The following ARHGAP39 variants were observed in gnomAD, a reference collection of about 807,000 sequenced individuals.
ARHGAP39 encodes Rho GTPase activating protein 39, also known as rho GTPase-activating protein 39.
A neutral mutation model predicts 106.9 loss-of-function variants in ARHGAP39; 44 were observed. The observed-to-expected ratio is 0.41, with a 90% CI of 0.32 to 0.53. The LOEUF is 0.53. ARHGAP39 is among the 20% of genes least tolerant of loss of function. ARHGAP39 has a pLI of 0.21. For synonymous variants in ARHGAP39, 768 were observed against 693.2 expected, an observed-to-expected ratio of 1.11 and a Z score of -1.69; for missense variants, 1,496 against 1,577.3, an observed-to-expected ratio of 0.95 and a Z score of 0.87.
At position 144,530,373 on chromosome 8, in the gene ARHGAP39, G is replaced by C. The variant is rs752723117; in HGVS notation, c.*49C>G. 6.5e-7 allele frequency: 1 copy of C among 1,533,748 alleles called. No homozygotes were observed. Among genetic ancestry groups the C allele is most frequent in the East Asian group, 2.4e-5 (1 of 41,070 alleles). On this transcript the variant is annotated 3_prime_UTR_variant, in exon 12 of 12. Coordinates refer to ENST00000377307, the MANE Select transcript of ARHGAP39 (RefSeq NM_025251.3). ...TGCCGGGAGAGCGAGTGCGGAGTTCGGCCTGGCTGGGGGCGGCAGGACATC... is the reference window on the plus strand; with the variant it reads ...TGCCGGGAGAGCGAGTGCGGAGTTCCGCCTGGCTGGGGGCGGCAGGACATC...
chr8:144,567,964 GTCTTT>G (rs1273715157), intron 3 of ARHGAP39, among the ~76,000 whole-genome samples: 2 of 152,110 alleles, frequency 1.3e-5, no homozygotes, highest in Non-Finnish European at 2.9e-5. Context: ...GGGCCCAGCT[GTCTTT>G]TCTTTTATCT....
At chr8:144,557,480 G>C (rs1469769676) in intron 3 of ARHGAP39, among the ~76,000 whole-genome samples, 2 of 148,580 alleles carry the variant, frequency 1.3e-5, no homozygotes, top group East Asian at 4.1e-4. Context: ...GTAGTATTCA[G>C]TGGCAAAAGG....
chr8:144,555,952 C>T (rs1207067224), intron 3 of ARHGAP39, among the ~76,000 whole-genome samples: 1 of 152,180 alleles, frequency 6.6e-6, no homozygotes, highest in Non-Finnish European at 1.5e-5. Context: ...CAGCTTCAGC[C>T]AGACATAAAA....
At position 144,585,747 on chromosome 8, in the gene ARHGAP39, C is replaced by T. The variant is rs1449333785; in HGVS notation, c.81-4470G>A. 6.6e-6 allele frequency among the ~76,000 whole-genome samples: 1 copy of T among 152,232 alleles called. No homozygotes were observed. The highest frequency in any genetic ancestry group is 1.5e-5 in the Non-Finnish European group (1 of 68,042). On this transcript the variant is annotated intron_variant, in intron 2 of 11. Transcript: ENST00000377307. The surrounding 1 kb of genome is among the most constrained non-coding windows in gnomAD (Gnocchi z 4.6). Reference sequence around the variant, plus strand: ...TCGCTGGTTGTGGCAGTCGGCTGTACACACCATGCTCTTAAATCTCAACCC... The same window carrying T: ...TCGCTGGTTGTGGCAGTCGGCTGTATACACCATGCTCTTAAATCTCAACCC...
In ARHGAP39 at chr8:144,548,419, T is replaced by C. The variant is rs2130846610; in HGVS notation, c.667A>G (p.Ser223Gly). Residue 223 changes from serine (S) to glycine (G), a missense_variant, in exon 5 of 12, where the codon AGC becomes GGC. By Grantham distance (56) the Ser-to-Gly change is moderately conservative. Coordinates refer to ENST00000377307, the MANE Select transcript of ARHGAP39 (RefSeq NM_025251.3). The surrounding 1 kb of genome is among the most constrained non-coding windows in gnomAD (Gnocchi z 7.4). ...MLIKVADREPSFLAAQGNGYA... is the reference protein window; with the variant it reads ...MLIKVADREPGFLAAQGNGYA... ...CCATTGCCCTGGGCGGCGAGGAAGC[T>C]GGGCTCCCGATCAGCGACCTTGATG... is the stretch of plus-strand genomic sequence containing the variant. 1.9e-6 allele frequency: 3 copies of C among 1,610,906 alleles called. 1 individual carries two copies. In the South Asian group the frequency reaches 3.3e-5, roughly 18 times the overall value.
At chr8:144,661,317 T>G (rs1354773820) in intron 1 of ARHGAP39, among the ~76,000 whole-genome samples, 1 of 152,222 alleles carries the variant, frequency 6.6e-6, no homozygotes, top group Non-Finnish European at 1.5e-5. Flanking sequence ...GGCTCCTCTT[T>G]GCGCATTCGC....
chr8:144,588,125 G>C lies in ARHGAP39; in HGVS notation c.81-6848C>G, dbSNP rs1228672106. Among the ~76,000 whole-genome samples, 9 of 152,332 alleles carry C rather than the reference G, an allele frequency of 5.9e-5. No individual in the cohort carries two copies. The South Asian group carries it at 8.3e-4, about 14-fold the overall frequency. On this transcript the variant is annotated intron_variant, in intron 2 of 11. Transcript: ENST00000377307. ...ACGCTGCTGGCAGGGACACGGGTTG[G>C]CCATGTGTGCCAGGTGCCGGTTGAC...
intron 1 of ARHGAP39, among the ~76,000 whole-genome samples, chr8:144,627,470 G>A (rs1321326184): frequency 2.0e-5 from 3 of 148,562 alleles, no homozygotes; most frequent in African/African-American, 7.4e-5. Context: ...CAGGAGAATG[G>A]CTTGAACCTG....
chr8:144,598,508 C>T (rs1322237092), intron 2 of ARHGAP39, among the ~76,000 whole-genome samples: 1 of 152,232 alleles, frequency 6.6e-6, no homozygotes, highest in Non-Finnish European at 1.5e-5. Context: ...CAGCTCCTTA[C>T]AGAGCCCGGG....
intron 5 of ARHGAP39, 43 bp from the exon 6 acceptor site, chr8:144,545,853 G>T: frequency 6.9e-7 from 1 of 1,451,166 alleles, no homozygotes; most frequent in Non-Finnish European, 9.1e-7. Flanking sequence ...GGTGGGGGAG[G>T]GCCAGGCAGG....
intron 3 of ARHGAP39, among the ~76,000 whole-genome samples, chr8:144,578,728 G>A (rs1818858120): frequency 6.6e-6 from 1 of 152,048 alleles, no homozygotes; most frequent in African/African-American, 2.4e-5. Flanking sequence ...GCACGTGCCT[G>A]CAGTCCCAGA....
At chr8:144,617,945 C>A (rs897006900) in intron 1 of ARHGAP39, among the ~76,000 whole-genome samples, 3 of 152,080 alleles carry the variant, frequency 2.0e-5, no homozygotes, top group Non-Finnish European at 4.4e-5. Flanking sequence ...CCACGCCCAG[C>A]TAATTTTTGT....
intron 3 of ARHGAP39, 117 bp from the exon 4 acceptor site, chr8:144,555,760 C>T (rs1817893594): frequency 1.2e-6 from 1 of 862,764 alleles, no homozygotes; most frequent in South Asian, 1.4e-5. Flanking sequence ...AATAACCTGG[C>T]TCCTGCCCCC....
intron 3 of ARHGAP39, among the ~76,000 whole-genome samples, chr8:144,562,345 CG>C (rs1818216406): frequency 1.4e-5 from 2 of 140,674 alleles, no homozygotes; most frequent in Non-Finnish European, 3.1e-5. Context: ...GTTTCCATCA[CG>C]CTCCAGTGGT....
chr8:144,596,785 G>C (rs1819638081), intron 2 of ARHGAP39, among the ~76,000 whole-genome samples: 1 of 152,210 alleles, frequency 6.6e-6, no homozygotes, highest in Admixed American at 6.5e-5. Flanking sequence ...GGTGCCGCAG[G>C]ACCTGGCACG....
chr8:144,608,181 A>AAT lies in ARHGAP39; in HGVS notation c.-81-2487_-81-2486insAT, dbSNP rs1243780533. On this transcript the variant is annotated intron_variant, in intron 1 of 11. Coordinates refer to ENST00000377307, the MANE Select transcript of ARHGAP39 (RefSeq NM_025251.3). ...CAAAAAAAAAAAAAAAAAAAAAAAAAGGAAAAAGAAGAAGAAATGAAACTC... is the reference window on the plus strand; with the variant it reads ...CAAAAAAAAAAAAAAAAAAAAAAAAAATGGAAAAAGAAGAAGAAATGAAACTC... Among the ~76,000 whole-genome samples the AAT allele has an allele frequency of 1.6e-3, 229 of 146,382 alleles. 5 individuals carry two copies. The highest frequency in any genetic ancestry group is 2.3e-3 in the African/African-American group (91 of 39,214).
At chr8:144,554,533 T>G (rs537334317) in intron 4 of ARHGAP39, among the ~76,000 whole-genome samples, 1 of 152,288 alleles carries the variant, frequency 6.6e-6, no homozygotes, top group South Asian at 2.1e-4. Context: ...CCACGAAGGA[T>G]GCAGTCGCGT....
At chr8:144,560,998 T>C (rs1818121702) in intron 3 of ARHGAP39, among the ~76,000 whole-genome samples, 1 of 152,272 alleles carries the variant, frequency 6.6e-6, no homozygotes. Flanking sequence ...TTACATTGTG[T>C]TGATTATGGC....
At chr8:144,534,344 G>A (rs970671802) in intron 7 of ARHGAP39, 142 bp from the exon 8 acceptor site, 24 of 803,606 alleles carry the variant, frequency 3.0e-5, no homozygotes, top group Admixed American at 4.6e-5. Flanking sequence ...AGCACAGCGG[G>A]TCCTCACACT....
Sources: allele counts gnomAD v4.1 joint callset (sites outside exome capture counted in the v4.1 genomes callset), GRCh38; gene constraint gnomAD v4.1.1; non-coding constraint Gnocchi (gnomAD v3.1); transcripts MANE v1.5; gene names NCBI Gene and HGNC (gene_info 2026-07-23, HGNC 2026-07-21).